Variants in NOSTRIN observed in about 807,000 individuals in gnomAD.
NOSTRIN encodes nitric oxide synthase trafficking, also known as BM247 homolog.
A neutral mutation model predicts 59.0 loss-of-function variants in NOSTRIN; 63 were observed. The ratio of observed to expected loss-of-function variants is 1.07; its 90% confidence interval spans 0.87 to 1.32. The LOEUF is 1.32. Ranked by LOEUF, NOSTRIN falls within the 40% of genes most tolerant of loss-of-function variation. The pLI is 0.00. For synonymous variants in NOSTRIN, 200 were observed against 165.4 expected, an observed-to-expected ratio of 1.21 and a Z score of -1.61; for missense variants, 512 against 473.1, an observed-to-expected ratio of 1.08 and a Z score of -0.76.
chr2:168,820,286 G>A (rs1019960065), intron 2 of NOSTRIN, among the ~76,000 whole-genome samples: 1 of 152,128 alleles, frequency 6.6e-6, no homozygotes, highest in Non-Finnish European at 1.5e-5. Context: ...TTGGTGTTCC[G>A]TTCCATGAAA....
intron 7 of NOSTRIN, among the ~76,000 whole-genome samples, chr2:168,837,300 C>CTTTTTTTTTTTTTTTTTTTTTT (rs761309524): frequency 1.6e-5 from 1 of 62,162 alleles, no homozygotes; most frequent in Non-Finnish European, 3.2e-5. Context: ...TTTTTAACAT[C>CTTTTTTTTTTTTTTTTTTTTTT]TTTTTTTTTT....
chr2:168,847,516 G>T (rs1166162964), intron 8 of NOSTRIN, among the ~76,000 whole-genome samples: 1 of 152,178 alleles, frequency 6.6e-6, no homozygotes, highest in African/African-American at 2.4e-5. Flanking sequence ...AGTTCTATGA[G>T]AGTCATTTAA....
At chr2:168,852,462 T>G (rs917660740) in intron 10 of NOSTRIN, among the ~76,000 whole-genome samples, 2 of 152,214 alleles carry the variant, frequency 1.3e-5, no homozygotes, top group Non-Finnish European at 2.9e-5. Flanking sequence ...TTGATATTCT[T>G]AATTGTAGTG....
chr2:168,818,206 T>C (rs7604904), intron 2 of NOSTRIN: 10 of 416,744 alleles, frequency 2.4e-5, no homozygotes, highest in South Asian at 1.1e-4. Flanking sequence ...CAGGCTGGAG[T>C]GCAGTGGTGC....
intron 2 of NOSTRIN, 193 bp downstream of exon 2, chr2:168,811,845 G>T: frequency 2.3e-6 from 1 of 437,138 alleles, no homozygotes; most frequent in Non-Finnish European, 4.0e-6. Context: ...TCAAGAAACA[G>T]CAGGAAGTAA....
intron 2 of NOSTRIN, among the ~76,000 whole-genome samples, chr2:168,812,828 T>A (rs970804961): frequency 3.3e-5 from 5 of 152,188 alleles, no homozygotes; most frequent in Admixed American, 1.3e-4. Context: ...GTTTTAACCT[T>A]TTTTAAACTC....
intron 8 of NOSTRIN, among the ~76,000 whole-genome samples, chr2:168,844,597 C>T (rs980669272): frequency 6.6e-6 from 1 of 152,080 alleles, no homozygotes; most frequent in Admixed American, 6.5e-5. Context: ...TAAGATTCAG[C>T]CTGGGCGGCA....
chr2:168,822,348 A>G (rs80302539), intron 2 of NOSTRIN, among the ~76,000 whole-genome samples: 1 of 16,556 alleles, frequency 6.0e-5, no homozygotes. Flanking sequence ...GTACTAAGAG[A>G]AAAAAAAAAT....
intron 11 of NOSTRIN, chr2:168,856,476 G>T (rs1394428220): frequency 1.8e-6 from 1 of 544,424 alleles, no homozygotes; most frequent in Non-Finnish European, 3.3e-6. Flanking sequence ...TCAAGAGGCT[G>T]AGGGAGGAGA....
At chr2:168,792,368 G>T (rs982730537) in intron 2 of NOSTRIN, among the ~76,000 whole-genome samples, 2 of 152,248 alleles carry the variant, frequency 1.3e-5, no homozygotes, top group Non-Finnish European at 2.9e-5. Context: ...ATTGTTTGGT[G>T]TAGTCATGTG....
intron 1 of NOSTRIN, among the ~76,000 whole-genome samples, chr2:168,810,576 A>G (rs1686076974): frequency 6.6e-6 from 1 of 152,156 alleles, no homozygotes; most frequent in Admixed American, 6.5e-5. Flanking sequence ...TCCCTTCTCA[A>G]TATGGTGCCC....
At chr2:168,852,906 C>A (rs1397530224) in intron 10 of NOSTRIN, among the ~76,000 whole-genome samples, 1 of 152,126 alleles carries the variant, frequency 6.6e-6, no homozygotes, top group Non-Finnish European at 1.5e-5. Flanking sequence ...ATGGGGAAAG[C>A]GCTTTTTTTC....
intron 10 of NOSTRIN, among the ~76,000 whole-genome samples, chr2:168,851,773 A>C (rs1441702173): frequency 2.7e-5 from 4 of 150,942 alleles, no homozygotes; most frequent in Non-Finnish European, 2.9e-5. Flanking sequence ...CCCCACCCCC[A>C]CCAAAATAAT....
chr2:168,827,713 G>A lies in NOSTRIN; in HGVS notation c.198-445G>A, dbSNP rs189966666. The stretch of plus-strand genomic sequence containing the variant: ...CTCCCTAGTAGCTAGGACTATGGGC[G>A]TGCATCACCACACCTGGCTAATTTT... On this transcript the variant is annotated intron_variant, in intron 3 of 15. Coordinates refer to ENST00000317647, the MANE Select transcript of NOSTRIN (RefSeq NM_001039724.4). Among the ~76,000 whole-genome samples the A allele has an allele frequency of 9.4e-4, 143 of 151,938 alleles. 1 individual carries two copies. The highest frequency in any genetic ancestry group is 3.3e-3 in the African/African-American group (135 of 41,442).
intron 7 of NOSTRIN, among the ~76,000 whole-genome samples, 182 bp downstream of exon 7, chr2:168,834,507 G>GCGCGCGCGCGCACA (rs756381301): frequency 2.4e-5 from 3 of 125,342 alleles, no homozygotes; most frequent in East Asian, 2.4e-4. Context: ...GCGCGCGCGC[G>GCGCGCGCGCGCACA]CACACACACA....
At position 168,811,549 on chromosome 2, in the gene NOSTRIN, A is replaced by G; in HGVS notation, c.28-18A>G. 1 of 784,584 alleles carries G rather than the reference A, an allele frequency of 1.3e-6. No individual in the cohort carries two copies. The allele number at this position is 784,584 out of a possible 1,614,324, so 48.6% of individuals were successfully genotyped here. A position where few individuals can be genotyped will look rare whatever the true frequency, so the allele number is the denominator to read the frequency against. ...TCTTCCTGTTCATTGTTTTTTTGTTATTGTTCTTGTTTTTCAGTATAATAA... is the reference window on the plus strand; with the variant it reads ...TCTTCCTGTTCATTGTTTTTTTGTTGTTGTTCTTGTTTTTCAGTATAATAA... On this transcript the variant is annotated intron_variant, in intron 1 of 15. Transcript: ENST00000317647.
intron 7 of NOSTRIN, among the ~76,000 whole-genome samples, chr2:168,841,235 C>CAAAAAA (rs57480764): frequency 1.8e-3 from 194 of 106,504 alleles, no homozygotes; most frequent in Non-Finnish European, 3.0e-3. Flanking sequence ...ACCCTGTCTC[C>CAAAAAA]AAAAAAAAAA....
At chr2:168,853,721 C>T (rs901845059) in intron 10 of NOSTRIN, among the ~76,000 whole-genome samples, 3 of 152,182 alleles carry the variant, frequency 2.0e-5, no homozygotes, top group Non-Finnish European at 2.9e-5. Flanking sequence ...GTGATGTCAG[C>T]TTGCGCCTCA....
intron 15 of NOSTRIN, 135 bp downstream of exon 15, chr2:168,862,184 A>ACAT: frequency 1.4e-6 from 1 of 711,058 alleles, no homozygotes; most frequent in Non-Finnish European, 2.4e-6. Context: ...AAAGATAAGC[A>ACAT]CATCTAAAAC....
Sources: gnomAD v4.1 joint callset for allele counts (sites outside exome capture counted in the v4.1 genomes callset) on GRCh38, gnomAD v4.1.1 for gene constraint, MANE v1.5 for transcripts, NCBI Gene and HGNC (gene_info 2026-07-23, HGNC 2026-07-21) for gene names.